CYP51A1: variants seen among roughly 807,000 people sequenced by gnomAD.
CYP51A1 encodes cytochrome P450 family 51 subfamily A member 1.
A neutral mutation model predicts 53.5 loss-of-function variants in CYP51A1; 45 were observed. The ratio of observed to expected loss-of-function variants is 0.84; its 90% CI spans 0.66 to 1.08. The LOEUF (loss-of-function observed/expected upper bound fraction) is 1.08. Among genes scored for constraint, CYP51A1 ranks in the 50% least tolerant of loss-of-function variants. CYP51A1 has a pLI of 0.00. For missense variants in CYP51A1, 462 were observed against 621.7 expected (o/e 0.74, Z 2.73); for synonymous variants, 181 against 217.7 (o/e 0.83, Z 1.48).
rs71292987 is a variant in CYP51A1 at position 92,131,736 on chromosome 7, G to GT, written c.291+37dup. On this transcript the variant is annotated intron_variant, in intron 2 of 9. Transcript: ENST00000003100. ...AAGTTTAAAAAGCACTTCTCTAGTT[G>GT]TTTTTTTTTTTTTCCTCTAATTATT... The GT allele has an allele frequency of 0.34, 290,120 of 849,628 alleles. 14,363 individuals carry two copies. Among genetic ancestry groups the GT allele is most frequent in the Middle Eastern group, 0.36 (1,061 of 2,938 alleles). The allele number at this position is 849,628 out of a possible 1,614,324, so 52.6% of individuals were successfully genotyped here.
At chr7:92,123,650 T>TTTTTTAACTGGAAATAC in intron 6 of CYP51A1, 84 bp downstream of exon 6, 1 of 1,354,886 alleles carries the variant, frequency 7.4e-7, no homozygotes, top group African/African-American at 1.5e-5. Context: ...AGCATCACTG[T>TTTTTTAACTGGAAATAC]TTTTTAACTG....
chr7:92,116,672 T>C (rs1819584479), intron 9 of CYP51A1, among the ~76,000 whole-genome samples: 1 of 152,240 alleles, frequency 6.6e-6, no homozygotes, highest in South Asian at 2.1e-4. Flanking sequence ...CCTTTGCTTT[T>C]TTGTGAAATG....
At chr7:92,133,317 C>T (rs1819963032) in intron 1 of CYP51A1, among the ~76,000 whole-genome samples, 1 of 150,944 alleles carries the variant, frequency 6.6e-6, no homozygotes, top group African/African-American at 2.4e-5. Flanking sequence ...TCCAGTGGCG[C>T]AATCTCGGTT....
chr7:92,126,388 G>A lies in CYP51A1; in HGVS notation c.635C>T (p.Ala212Val), dbSNP rs771282146. ...EALSELIILTASHCLHGKEIR... is the reference protein window; with the variant it reads ...EALSELIILTVSHCLHGKEIR... ...TTCCTTTCCATGCAAACAATGGCTA[G>A]CTGTTAAAATTATGAGCTCAGAAAG... Residue 212 changes from alanine to valine, a missense_variant, in exon 5 of 10, where the codon GCT (alanine) becomes GTT (valine). Ala to Val is a moderately conservative substitution (Grantham distance 64). Coordinates refer to ENST00000003100, the MANE Select transcript of CYP51A1 (RefSeq NM_000786.4). The A allele has an allele frequency of 6.2e-7, 1 of 1,613,682 alleles. No homozygotes were observed. The highest frequency in any genetic ancestry group is 8.5e-7 in the Non-Finnish European group (1 of 1,179,814).
chr7:92,116,734 A>T (rs1819585833), intron 9 of CYP51A1, among the ~76,000 whole-genome samples: 1 of 152,222 alleles, frequency 6.6e-6, no homozygotes, highest in African/African-American at 2.4e-5. Flanking sequence ...GGTTCTTTAA[A>T]AGAGAATCCA....
At position 92,117,093 on chromosome 7, in the gene CYP51A1, C is replaced by T; in HGVS notation, c.1302G>A (p.Gln434=). The change falls in exon 9 of 10, where the codon CAG becomes CAA. Residue 434 remains glutamine, a synonymous_variant. Transcript: ENST00000003100. ...RLDFNPDRYL[Q]DNPASGEKFA... ...ACTTTTCCCCTGATGCTGGGTTATC[C>T]TGTAAGTAGCGATCAGGATTAAAGT... is the stretch of plus-strand genomic sequence containing the variant. 1 of 1,613,908 alleles carries T rather than the reference C, an allele frequency of 6.2e-7. No individual in the cohort carries two copies. Among genetic ancestry groups the T allele is most frequent in the African/African-American group, 1.3e-5 (1 of 75,006 alleles).
At chr7:92,130,416 A>G (rs1819893616) in intron 2 of CYP51A1, among the ~76,000 whole-genome samples, 1 of 152,230 alleles carries the variant, frequency 6.6e-6, no homozygotes, top group South Asian at 2.1e-4. Context: ...CATTAATAAA[A>G]GTATAGGCTC....
Position 92,113,670 on chromosome 7 carries a change from T to C in CYP51A1, c.1525A>G (p.Lys509Glu), listed in dbSNP as rs1819514562. ...TTCGTTCCTTGCAACCTTTTTCATT[T>C]TGATCTTCGTTTGTAACGGATAACT... is the stretch of plus-strand genomic sequence containing the variant. ...NPVIRYKRRS[K>E] is the part of the protein sequence containing the mutation. Residue 509 changes from lysine to glutamate, a missense_variant, in exon 10 of 10, where the codon AAA becomes GAA. Transcript: ENST00000003100. 1 of 1,611,278 alleles carries C rather than the reference T, an allele frequency of 6.2e-7. No homozygotes were observed. The highest frequency in any genetic ancestry group is 8.5e-7 in the Non-Finnish European group (1 of 1,179,458).
chr7:92,115,557 A>G (rs973929581), intron 9 of CYP51A1, among the ~76,000 whole-genome samples: 5 of 152,224 alleles, frequency 3.3e-5, no homozygotes, highest in African/African-American at 1.2e-4. Context: ...CGGTCCTGCC[A>G]ATACCTTGAT....
intron 1 of CYP51A1, among the ~76,000 whole-genome samples, chr7:92,132,813 AG>A (rs1324696999): frequency 6.6e-6 from 1 of 152,190 alleles, no homozygotes; most frequent in Non-Finnish European, 1.5e-5. Flanking sequence ...TCTTCATAAA[AG>A]TTTCTTTAGA....
chr7:92,118,336 T>C (rs1819619988), intron 8 of CYP51A1, among the ~76,000 whole-genome samples, 184 bp downstream of exon 8: 2 of 152,038 alleles, frequency 1.3e-5, no homozygotes, highest in Admixed American at 6.6e-5. Context: ...AGAAAAAATT[T>C]TGTAGAGATG....
chr7:92,115,842 T>A (rs902631884), intron 9 of CYP51A1, among the ~76,000 whole-genome samples: 1 of 152,226 alleles, frequency 6.6e-6, no homozygotes, highest in African/African-American at 2.4e-5. Flanking sequence ...TGAGCCATCA[T>A]AAAAGGTAAC....
At chr7:92,131,738 T>TG (rs751198007) in intron 2 of CYP51A1, 36 bp downstream of exon 2, 639 of 1,094,542 alleles carry the variant, frequency 5.8e-4, no homozygotes, top group Non-Finnish European at 7.2e-4. Context: ...CTCTAGTTGT[T>TG]TTTTTTTTTT....
chr7:92,115,983 ATTCT>A (rs1279063074), intron 9 of CYP51A1, among the ~76,000 whole-genome samples: 1 of 152,202 alleles, frequency 6.6e-6, no homozygotes, highest in Non-Finnish European at 1.5e-5. Flanking sequence ...TAACAATCTG[ATTCT>A]TTGGCCAGGT....
At chr7:92,130,593 C>T (rs1415374513) in intron 2 of CYP51A1, among the ~76,000 whole-genome samples, 2 of 152,076 alleles carry the variant, frequency 1.3e-5, no homozygotes. Flanking sequence ...GCACTAAGTA[C>T]TGGCATAAAG....
chr7:92,119,135 A>C (rs918974893), intron 7 of CYP51A1, among the ~76,000 whole-genome samples: 6 of 152,190 alleles, frequency 3.9e-5, no homozygotes, highest in Non-Finnish European at 7.4e-5. Context: ...ATTTTCCAAA[A>C]ATATTTAGCA....
chr7:92,133,144 T>C (rs1819959082), intron 1 of CYP51A1, among the ~76,000 whole-genome samples: 1 of 152,226 alleles, frequency 6.6e-6, no homozygotes. Flanking sequence ...CATTGCATTG[T>C]CAGTAAAAGG....
At position 92,123,236 on chromosome 7, in the gene CYP51A1, T is replaced by C. The variant is rs932708139; in HGVS notation, c.970A>G (p.Thr324Ala). 3 of 1,613,990 alleles carry C rather than the reference T, an allele frequency of 1.9e-6. No individual in the cohort carries two copies. Among genetic ancestry groups the C allele is most frequent in the Non-Finnish European group, 2.5e-6 (3 of 1,179,868 alleles). The change falls in exon 7 of 10, where the codon ACT (threonine) becomes GCT (alanine). Residue 324 changes from threonine (T) to alanine (A), a missense_variant. Thr to Ala is a moderately conservative substitution (Grantham distance 58, BLOSUM62 0). Transcript: ENST00000003100. ...AAGAAGCCCATCCAAGCACTAGTAG[T>C]TGAGGATGTATGCTGCCCTGCCAAG... ...LLLAGQHTSS[T>A]TSAWMGFFLA...
intron 1 of CYP51A1, 105 bp from the exon 2 acceptor site, chr7:92,131,977 C>CA (rs1204016536): frequency 1.0e-4 from 53 of 520,204 alleles, no homozygotes; most frequent in Middle Eastern, 3.0e-4. Flanking sequence ...ATTAAGACTT[C>CA]AAAAAAAAGT....
Sources: gnomAD v4.1 joint callset for allele counts (sites outside exome capture counted in the v4.1 genomes callset) on GRCh38, gnomAD v4.1.1 for gene constraint, MANE v1.5 for transcripts, NCBI Gene and HGNC (gene_info 2026-07-23, HGNC 2026-07-21) for gene names.